Variants in NBAS observed in about 807,000 individuals in gnomAD.
NBAS encodes NBAS subunit of NRZ tethering complex.
A neutral mutation model predicts 302.5 loss-of-function variants in NBAS; 219 were observed. The observed-to-expected ratio is 0.72, with a 90% CI of 0.65 to 0.81. The LOEUF (loss-of-function observed/expected upper bound fraction) is 0.81. NBAS is among the 30% of genes least tolerant of loss of function. The probability of loss-of-function intolerance (pLI) is 0.00; values close to 1 mark genes in which losing one functional copy is unlikely to be tolerated. For synonymous variants in NBAS, 1,118 were observed against 1,021.6 expected (o/e 1.09, Z -1.80); for missense variants, 2,932 against 2,841.6 (o/e 1.03, Z -0.72).
the NBAS span, among the ~76,000 whole-genome samples, chr2:14,989,287 A>T: frequency 1.4e-5 from 1 of 71,018 alleles, no homozygotes; most frequent in Middle Eastern, 6.0e-3. Flanking sequence ...TAGTAGATGT[A>T]TGTGTATGTG....
At chr2:15,017,794 T>C in the NBAS span, among the ~76,000 whole-genome samples, 23 of 152,080 alleles carry the variant, frequency 1.5e-4, no homozygotes, top group African/African-American at 5.3e-4. Flanking sequence ...GTTCCACTAC[T>C]GGGCATTTAT....
At chr2:15,440,906 G>A (rs1415328546) in intron 21 of NBAS, among the ~76,000 whole-genome samples, 2 of 151,956 alleles carry the variant, frequency 1.3e-5, no homozygotes, top group African/African-American at 2.4e-5. Flanking sequence ...AAGGGTATCA[G>A]CGATGGAAGA....
At chr2:15,542,963 CAAGGT>C (rs1663921885) in intron 6 of NBAS, among the ~76,000 whole-genome samples, 1 of 152,182 alleles carries the variant, frequency 6.6e-6, no homozygotes. Context: ...TTTTTCATTA[CAAGGT>C]AAGATTTCAT....
the NBAS span, among the ~76,000 whole-genome samples, chr2:14,881,971 G>A: frequency 1.3e-5 from 2 of 152,050 alleles, no homozygotes; most frequent in Non-Finnish European, 2.9e-5. Flanking sequence ...CAAAGATGGG[G>A]ACAAAAATGG....
At chr2:14,999,119 C>A in the NBAS span, among the ~76,000 whole-genome samples, 2 of 152,070 alleles carry the variant, frequency 1.3e-5, no homozygotes, top group African/African-American at 4.8e-5. Flanking sequence ...GAAGGGGGAG[C>A]AAATGCCCAT....
At chr2:15,511,058 T>C (rs183397751) in intron 10 of NBAS, among the ~76,000 whole-genome samples, 154 bp downstream of exon 10, 66 of 152,338 alleles carry the variant, frequency 4.3e-4, no homozygotes, top group Non-Finnish European at 7.6e-4. Context: ...ATTTGTTATT[T>C]GAAAGAAATA....
the NBAS span, among the ~76,000 whole-genome samples, chr2:14,887,164 G>A: frequency 6.6e-6 from 1 of 152,148 alleles, no homozygotes; most frequent in Non-Finnish European, 1.5e-5. Context: ...AGCATTTTGA[G>A]AGGCCAAGGC....
In NBAS at chr2:15,415,410, C is replaced by A. The variant is rs1676879131; in HGVS notation, c.2937+136G>T. On this transcript the variant is annotated intron_variant, in intron 25 of 51. Transcript: ENST00000281513. ...GACTATGCTGTTAAAACTTTTTAAA[C>A]AATAAAATGACAATCATTTGTTTTT... is the stretch of plus-strand genomic sequence containing the variant. 4 of 816,610 alleles carry A rather than the reference C, an allele frequency of 4.9e-6. No homozygotes were observed. In the South Asian group the frequency reaches 6.5e-5, roughly 13 times the overall value. 50.6% of individuals were successfully genotyped at this position (816,610 alleles called of 1,614,324 possible). A position where few individuals can be genotyped will look rare whatever the true frequency, so the allele number is the denominator to read the frequency against.
At chr2:15,143,487 G>A in the NBAS span, among the ~76,000 whole-genome samples, 36 of 152,282 alleles carry the variant, frequency 2.4e-4, no homozygotes, top group African/African-American at 8.2e-4. Context: ...AAACAACTTA[G>A]AAACAAGGGC....
chr2:15,062,999 G>T, the NBAS span, among the ~76,000 whole-genome samples: 1 of 152,160 alleles, frequency 6.6e-6, no homozygotes, highest in African/African-American at 2.4e-5. Context: ...TCTAGCTATG[G>T]CTTGTTGGGG....
chr2:15,330,703 GGTGGTAGCA>G lies in NBAS; in HGVS notation c.4233_4241del (p.Ala1412_Thr1414del), dbSNP rs1248325173. 6.2e-7 allele frequency: 1 copy of G among 1,614,060 alleles called. No homozygotes were observed. The highest frequency in any genetic ancestry group is 8.5e-7 in the Non-Finnish European group (1 of 1,179,956). On this transcript the variant is annotated inframe_deletion, in exon 36 of 52. Transcript: ENST00000281513. ...TTGTGGTGTTGGAAAGGACTTTCAT[GGTGGTAGCA>G]GTGGTCCAGCGCAATAGGTCAGCTG...
chr2:14,868,687 T>C, the NBAS span, among the ~76,000 whole-genome samples: 2 of 152,368 alleles, frequency 1.3e-5, no homozygotes, highest in East Asian at 3.9e-4. Context: ...TTAGTCTAAC[T>C]AACAAAGCAG....
At chr2:14,985,882 A>C in the NBAS span, among the ~76,000 whole-genome samples, 2 of 152,190 alleles carry the variant, frequency 1.3e-5, no homozygotes, top group African/African-American at 2.4e-5. Flanking sequence ...GGGTGTTTAC[A>C]TGTCATATAG....
chr2:15,342,036 T>C (rs142207616), intron 35 of NBAS, among the ~76,000 whole-genome samples: 1 of 152,182 alleles, frequency 6.6e-6, no homozygotes, highest in Non-Finnish European at 1.5e-5. Flanking sequence ...ATGCTTCCAG[T>C]GATGTGCTGG....
intron 44 of NBAS, among the ~76,000 whole-genome samples, chr2:15,253,228 G>C (rs1668441184): frequency 6.6e-6 from 1 of 152,152 alleles, no homozygotes; most frequent in Non-Finnish European, 1.5e-5. Flanking sequence ...GGGAGTGGGT[G>C]CAGAGCAGCA....
chr2:15,456,776 C>G (rs1679265447), intron 21 of NBAS, among the ~76,000 whole-genome samples: 1 of 151,718 alleles, frequency 6.6e-6, no homozygotes, highest in East Asian at 1.9e-4. Context: ...ATAATAAATG[C>G]TAGGAAGAAA....
chr2:15,048,879 T>C, the NBAS span, among the ~76,000 whole-genome samples: 4 of 152,062 alleles, frequency 2.6e-5, no homozygotes, highest in African/African-American at 9.7e-5. Context: ...GGCCAATCAC[T>C]GGGAGTGAGG....
chr2:14,943,533 A>C, the NBAS span, among the ~76,000 whole-genome samples: 3 of 152,248 alleles, frequency 2.0e-5, no homozygotes, highest in African/African-American at 7.2e-5. Flanking sequence ...GAAAACATTC[A>C]GGGTAATTTA....
chr2:15,491,706 A>C (rs1680863070), intron 11 of NBAS, among the ~76,000 whole-genome samples: 1 of 152,054 alleles, frequency 6.6e-6, no homozygotes, highest in Non-Finnish European at 1.5e-5. Flanking sequence ...ACTGCACTCC[A>C]GCCTGGGCGA....
Sources: allele counts gnomAD v4.1 joint callset (sites outside exome capture counted in the v4.1 genomes callset), GRCh38; gene constraint gnomAD v4.1.1; transcripts MANE v1.5; gene names NCBI Gene and HGNC (gene_info 2026-07-23, HGNC 2026-07-21).